Variants in MCPH1 observed in about 807,000 individuals in gnomAD.
The protein encoded by MCPH1 is microcephalin.
A neutral mutation model predicts 84.5 loss-of-function variants in MCPH1; 104 were observed. The ratio of observed to expected loss-of-function variants is 1.23; its 90% confidence interval spans 1.05 to 1.45. The LOEUF is 1.45. Among genes scored for constraint, MCPH1 ranks in the 40% most tolerant of loss-of-function variants. The probability of loss-of-function intolerance (pLI) is 0.00; values close to 1 mark genes in which losing one functional copy is unlikely to be tolerated. For missense variants in MCPH1, 1,498 were observed against 1,005.7 expected (o/e 1.49, Z -6.62); for synonymous variants, 514 against 366.8 (o/e 1.40, Z -4.58).
intron 2 of MCPH1, among the ~76,000 whole-genome samples, chr8:6,413,967 C>T (rs1013149546): frequency 1.3e-5 from 2 of 152,084 alleles, no homozygotes; most frequent in African/African-American, 4.8e-5. Flanking sequence ...GTTGGCCAGG[C>T]TAGTCTTAAA....
intron 12 of MCPH1, among the ~76,000 whole-genome samples, chr8:6,525,923 G>T (rs1054548741): frequency 6.6e-6 from 1 of 152,162 alleles, no homozygotes; most frequent in African/African-American, 2.4e-5. Flanking sequence ...CAAATTGGTA[G>T]TTTTAGCATT....
chr8:6,528,794 G>A (rs938705467), intron 12 of MCPH1, among the ~76,000 whole-genome samples: 15 of 152,260 alleles, frequency 9.9e-5, no homozygotes, highest in African/African-American at 3.1e-4. Context: ...GTTTGCTGGT[G>A]TCTTTATGTC....
At chr8:6,579,524 A>C (rs969792447) in intron 12 of MCPH1, among the ~76,000 whole-genome samples, 3 of 152,168 alleles carry the variant, frequency 2.0e-5, no homozygotes, top group African/African-American at 7.2e-5. Flanking sequence ...TCTAATGAAA[A>C]GTGCTTAAGC....
intron 12 of MCPH1, among the ~76,000 whole-genome samples, chr8:6,576,154 A>G (rs983180134): frequency 6.6e-6 from 1 of 151,954 alleles, no homozygotes; most frequent in African/African-American, 2.4e-5. Context: ...TTCTTGTTCA[A>G]CCTCAGGAGG....
At chr8:6,509,781 A>G (rs2442635) in intron 12 of MCPH1, among the ~76,000 whole-genome samples, 68,411 of 151,980 alleles carry the variant, frequency 0.45, 15,746 homozygotes, top group Middle Eastern at 0.53. Flanking sequence ...GCTTAGCTCT[A>G]GCCTTCCTTA....
chr8:6,632,907 T>C (rs1350821405), intron 13 of MCPH1, among the ~76,000 whole-genome samples: 1 of 152,090 alleles, frequency 6.6e-6, no homozygotes, highest in African/African-American at 2.4e-5. Context: ...CCAAGTGTGG[T>C]TTAACCTAAG....
At position 6,648,060 on chromosome 8, in the gene MCPH1, G is replaced by C. The variant is rs1302545938; in HGVS notation, c.*5011G>C. On this transcript the variant is annotated 3_prime_UTR_variant, in exon 14 of 14. Coordinates refer to ENST00000344683, the MANE Select transcript of MCPH1 (RefSeq NM_024596.5). ...GCTAACACTGACCAACCTGCATCTG[G>C]TAGTTCATTTAAGGTCGGCCTTGGC... The C allele has an allele frequency of 6.6e-6, 1 of 152,202 alleles. No individual in the cohort carries two copies. The highest frequency in any genetic ancestry group is 1.9e-4 in the East Asian group (1 of 5,198). The allele number at this position is 152,202 out of a possible 1,614,324, so 9.4% of individuals were successfully genotyped here.
At chr8:6,625,383 G>GTCT (rs1831962376) in intron 13 of MCPH1, 1 of 985,258 alleles carries the variant, frequency 1.0e-6, no homozygotes, top group African/African-American at 1.7e-5. Flanking sequence ...AGCACATTGT[G>GTCT]TCTTTTGGAG....
intron 12 of MCPH1, among the ~76,000 whole-genome samples, chr8:6,535,597 T>C (rs1430879637): frequency 6.6e-6 from 1 of 152,222 alleles, no homozygotes; most frequent in Non-Finnish European, 1.5e-5. Context: ...TATATGTATA[T>C]AGTGTCTATA....
intron 4 of MCPH1, among the ~76,000 whole-genome samples, chr8:6,434,609 C>G (rs184561209): frequency 6.6e-6 from 1 of 152,180 alleles, no homozygotes; most frequent in Non-Finnish European, 1.5e-5. Flanking sequence ...TTCTAGGTTG[C>G]AAGACCAGCG....
At chr8:6,429,739 C>G (rs543632877) in intron 3 of MCPH1, among the ~76,000 whole-genome samples, 2 of 151,958 alleles carry the variant, frequency 1.3e-5, no homozygotes, top group South Asian at 2.1e-4. Context: ...TAAGGATTCC[C>G]CCTCCCCATC....
At chr8:6,456,689 G>C (rs1805715578) in intron 9 of MCPH1, among the ~76,000 whole-genome samples, 1 of 149,660 alleles carries the variant, frequency 6.7e-6, no homozygotes, top group Admixed American at 6.6e-5. Flanking sequence ...AGTAAATATT[G>C]AGTGTTGAGT....
chr8:6,423,593 G>A (rs1176809032), intron 3 of MCPH1, among the ~76,000 whole-genome samples: 1 of 152,110 alleles, frequency 6.6e-6, no homozygotes, highest in East Asian at 1.9e-4. Flanking sequence ...TGTCCTATTG[G>A]TGATTGAAGT....
intron 12 of MCPH1, among the ~76,000 whole-genome samples, chr8:6,586,626 G>A (rs561338812): frequency 9.8e-5 from 15 of 152,338 alleles, no homozygotes; most frequent in Middle Eastern, 3.4e-3. Context: ...TGAAATAAAG[G>A]CAAACAGTGA....
At chr8:6,519,761 C>T (rs1420855854) in intron 12 of MCPH1, 2 of 1,446,316 alleles carry the variant, frequency 1.4e-6, no homozygotes, top group African/African-American at 2.8e-5. Flanking sequence ...CTGTGTGAGG[C>T]TGGGGAAGAT....
chr8:6,459,568 C>A (rs1431250980), intron 9 of MCPH1, among the ~76,000 whole-genome samples: 2 of 152,112 alleles, frequency 1.3e-5, no homozygotes, highest in African/African-American at 4.8e-5. Flanking sequence ...TATCTTTCAC[C>A]AGCTAATGAC....
At chr8:6,415,292 C>T (rs1585596782) in intron 3 of MCPH1, among the ~76,000 whole-genome samples, 2 of 9,732 alleles carry the variant, frequency 2.1e-4, no homozygotes, top group Non-Finnish European at 3.9e-4. Context: ...GGGTTGGTAT[C>T]TTCTTTTTTT....
chr8:6,412,292 C>T (rs564496407), intron 2 of MCPH1, among the ~76,000 whole-genome samples: 1 of 152,160 alleles, frequency 6.6e-6, no homozygotes, highest in Non-Finnish European at 1.5e-5. Flanking sequence ...GGAGGAACTA[C>T]TGTGAATAAG....
chr8:6,469,567 C>T (rs918502877), intron 9 of MCPH1, among the ~76,000 whole-genome samples: 1 of 152,108 alleles, frequency 6.6e-6, no homozygotes, highest in Non-Finnish European at 1.5e-5. Flanking sequence ...TGGGCTTATA[C>T]TGGGCGTGAA....
Sources: gnomAD v4.1 joint callset for allele counts (sites outside exome capture counted in the v4.1 genomes callset) on GRCh38, gnomAD v4.1.1 for gene constraint, MANE v1.5 for transcripts, NCBI Gene and HGNC (gene_info 2026-07-23, HGNC 2026-07-21) for gene names.